LYST: variants seen among roughly 807,000 people sequenced by gnomAD.
LYST encodes lysosomal-trafficking regulator.
In LYST, 192 loss-of-function variants were observed where a neutral mutation model predicts 413.6. The ratio of observed to expected loss-of-function variants is 0.46; its 90% confidence interval spans 0.41 to 0.52. The LOEUF (loss-of-function observed/expected upper bound fraction) is 0.52, where lower values mean the gene tolerates loss of function less well. LYST is among the 20% of genes least tolerant of loss of function. LYST has a pLI of 0.00. For synonymous variants in LYST, 1,525 were observed against 1,567.3 expected (o/e 0.97, Z 0.64); for missense variants, 3,815 against 4,499.9 (o/e 0.85, Z 4.35).
At position 235,700,680 on chromosome 1, in the gene LYST, T is replaced by G. The variant is rs532746145; in HGVS notation, c.10374+2067A>C. ...GTCGAAAGTTTCACCGTGGTTCAAA[T>G]AAAGAAAAGCAGTGGCATAAATGTC... is the stretch of plus-strand genomic sequence containing the variant. On this transcript the variant is annotated intron_variant, in intron 45 of 52. Coordinates refer to ENST00000389793, the MANE Select transcript of LYST (RefSeq NM_000081.4). 2.0e-5 allele frequency among the ~76,000 whole-genome samples: 3 copies of G among 152,208 alleles called. No individual in the cohort carries two copies. In the South Asian group the frequency reaches 6.2e-4, roughly 32 times the overall value.
intron 50 of LYST, among the ~76,000 whole-genome samples, chr1:235,671,094 C>T (rs11589960): frequency 0.11 from 16,559 of 152,174 alleles, 1,005 homozygotes; most frequent in Middle Eastern, 0.18. Flanking sequence ...CCTGCCACCA[C>T]GCCCAGCTAA....
chr1:235,830,649 C>G (rs947556422), intron 2 of LYST, among the ~76,000 whole-genome samples: 7 of 152,120 alleles, frequency 4.6e-5, no homozygotes, highest in African/African-American at 1.7e-4. Flanking sequence ...AATACCTGAG[C>G]ATAGCTGAGA....
At chr1:235,723,964 A>C in intron 39 of LYST, 64 bp downstream of exon 39, 1 of 1,311,028 alleles carries the variant, frequency 7.6e-7, no homozygotes, top group Non-Finnish European at 1.1e-6. Context: ...AATCAGTATG[A>C]GTATAGTTAC....
chr1:235,774,111 T>C, intron 18 of LYST, 120 bp from the exon 19 acceptor site: 1 of 716,114 alleles, frequency 1.4e-6, no homozygotes, highest in Non-Finnish European at 2.5e-6. Flanking sequence ...TAGTAAATAA[T>C]TTAACACTTC....
rs944852944 is a variant in LYST, at chr1:235,751,207, C to T, written c.7780+3G>A. The T allele has an allele frequency of 1.9e-5, 31 of 1,613,258 alleles. No homozygotes were observed. Among genetic ancestry groups the T allele is most frequent in the Non-Finnish European group, 2.5e-5 (30 of 1,179,336 alleles). The stretch of plus-strand genomic sequence containing the variant: ...GTTATTAAAATATGATTTCAATACT[C>T]GCCAGCAATGCTTTTCCGCTTTTGA... On this transcript the variant is annotated splice_donor_region_variant and intron_variant, in intron 28 of 52. Transcript: ENST00000389793.
chr1:235,680,199 C>A (rs1042156226), intron 48 of LYST, among the ~76,000 whole-genome samples: 10 of 151,982 alleles, frequency 6.6e-5, no homozygotes, highest in African/African-American at 1.9e-4. Context: ...TTCTGAACAA[C>A]TTTTTTAAGA....
intron 40 of LYST, among the ~76,000 whole-genome samples, chr1:235,717,741 G>A (rs1045143625): frequency 6.6e-6 from 1 of 151,768 alleles, no homozygotes; most frequent in Non-Finnish European, 1.5e-5. Context: ...TATTTTCTAG[G>A]AATGTTGAAA....
At chr1:235,703,790 T>A (rs774819554) in intron 44 of LYST, among the ~76,000 whole-genome samples, 2 of 152,198 alleles carry the variant, frequency 1.3e-5, no homozygotes, top group Non-Finnish European at 2.9e-5. Context: ...CAGCAGTACA[T>A]GTGCAGGTTT....
At chr1:235,774,796 G>A (rs1012580029) in intron 18 of LYST, 117 bp downstream of exon 18, 1 of 684,680 alleles carries the variant, frequency 1.5e-6, no homozygotes, top group South Asian at 1.8e-5. Context: ...ACACTAATAA[G>A]TTTCCTCCAT....
intron 37 of LYST, 68 bp downstream of exon 37, chr1:235,729,528 C>G: frequency 9.2e-7 from 1 of 1,081,398 alleles, no homozygotes; most frequent in Non-Finnish European, 1.4e-6. Flanking sequence ...TCAAAAAACA[C>G]TTTAAATAAT....
At chr1:235,780,548 A>G (rs900314300) in intron 16 of LYST, among the ~76,000 whole-genome samples, 19 of 152,140 alleles carry the variant, frequency 1.2e-4, no homozygotes, top group Admixed American at 2.6e-4. Context: ...GAGTATGTCA[A>G]ACTAACAAGT....
At chr1:235,773,119 C>T (rs1668876800) in intron 19 of LYST, among the ~76,000 whole-genome samples, 1 of 152,058 alleles carries the variant, frequency 6.6e-6, no homozygotes, top group African/African-American at 2.4e-5. Context: ...GAGTTCAAGA[C>T]CAGCCTGAGC....
rs560985265 is a variant in LYST at position 235,668,609 on chromosome 1, T to C, written c.11039-3988A>G. Among the ~76,000 whole-genome samples, 39 of 152,344 alleles carry C rather than the reference T, an allele frequency of 2.6e-4. 1 individual carries two copies. In the East Asian group the frequency reaches 7.1e-3, roughly 28 times the overall value. On this transcript the variant is annotated intron_variant, in intron 50 of 52. Coordinates refer to ENST00000389793, the MANE Select transcript of LYST (RefSeq NM_000081.4). ...CTCATTCTCATATGACTAGCTGATATAATATCACAGATATAAATCACTACT... is the reference window on the plus strand; with the variant it reads ...CTCATTCTCATATGACTAGCTGATACAATATCACAGATATAAATCACTACT...
intron 50 of LYST, among the ~76,000 whole-genome samples, chr1:235,670,736 T>C (rs1045964614): frequency 1.3e-5 from 2 of 152,108 alleles, no homozygotes; most frequent in African/African-American, 4.8e-5. Flanking sequence ...AGATGCACAA[T>C]TAAGTGCAAA....
intron 50 of LYST, among the ~76,000 whole-genome samples, chr1:235,668,149 G>A (rs373946090): frequency 5.3e-5 from 8 of 151,936 alleles, no homozygotes; most frequent in Non-Finnish European, 5.9e-5. Context: ...TTGAATCCAC[G>A]GATGTGAAAC....
intron 36 of LYST, 62 bp from the exon 37 acceptor site, chr1:235,729,719 G>A (rs756956236): frequency 4.2e-6 from 5 of 1,178,648 alleles, no homozygotes; most frequent in South Asian, 1.2e-5. Flanking sequence ...GAGAGGATAT[G>A]CTTTATTTTA....
chr1:235,795,882 A>T (rs1158379960), intron 10 of LYST, among the ~76,000 whole-genome samples: 1 of 152,172 alleles, frequency 6.6e-6, no homozygotes, highest in East Asian at 1.9e-4. Flanking sequence ...TGGGGACAGA[A>T]GAAACTTTAA....
intron 10 of LYST, among the ~76,000 whole-genome samples, chr1:235,799,250 T>C (rs1352057694): frequency 6.6e-6 from 1 of 152,148 alleles, no homozygotes; most frequent in Non-Finnish European, 1.5e-5. Flanking sequence ...ACTGTTCCAG[T>C]CAAGAATCAT....
At chr1:235,777,761 C>T (rs557615424) in intron 16 of LYST, among the ~76,000 whole-genome samples, 2 of 152,086 alleles carry the variant, frequency 1.3e-5, no homozygotes, top group Non-Finnish European at 2.9e-5. Context: ...CTAGATCTTT[C>T]TACTGGAATA....
Sources: allele counts gnomAD v4.1 joint callset (sites outside exome capture counted in the v4.1 genomes callset), GRCh38; gene constraint gnomAD v4.1.1; transcripts MANE v1.5; gene names NCBI Gene and HGNC (gene_info 2026-07-23, HGNC 2026-07-21).